Variants in DYNC2H1 observed in about 807,000 individuals in gnomAD.
DYNC2H1 encodes dynein cytoplasmic 2 heavy chain 1.
In DYNC2H1, 410 loss-of-function variants were observed where a neutral mutation model predicts 570.0. The ratio of observed to expected loss-of-function variants is 0.72; its 90% CI spans 0.66 to 0.78. The LOEUF is 0.78. Among genes scored for constraint, DYNC2H1 ranks in the 30% least tolerant of loss-of-function variants. The pLI is 0.00. For missense variants in DYNC2H1, 4,865 were observed against 5,046.4 expected (o/e 0.96, Z 1.09); for synonymous variants, 1,688 against 1,677.6 (o/e 1.01, Z -0.15).
At chr11:103,390,165 A>G (rs1213527746) in intron 83 of DYNC2H1, among the ~76,000 whole-genome samples, 4 of 152,266 alleles carry the variant, frequency 2.6e-5, no homozygotes, top group African/African-American at 9.6e-5. Context: ...GACTTCCTTT[A>G]TGAATCTGGG....
Position 103,369,129 on chromosome 11 carries a change from G to A in DYNC2H1, c.12156+10770G>A, listed in dbSNP as rs535533329. Among the ~76,000 whole-genome samples the A allele has an allele frequency of 5.9e-5, 9 of 152,288 alleles. No homozygotes were observed. In the East Asian group the frequency reaches 1.7e-3, roughly 29 times the overall value. ...ATCCCTCCCCTGTCTCCAAGCAGCAGTGGCATGGCATGGAGAGCGTTTTGG... is the reference window on the plus strand; with the variant it reads ...ATCCCTCCCCTGTCTCCAAGCAGCAATGGCATGGCATGGAGAGCGTTTTGG... On this transcript the variant is annotated intron_variant, in intron 83 of 88. Transcript: ENST00000375735. The surrounding 1 kb of genome is among the most constrained non-coding windows in gnomAD (Gnocchi z 4.0).
intron 75 of DYNC2H1, among the ~76,000 whole-genome samples, chr11:103,293,439 A>T (rs1866693470): frequency 6.6e-6 from 1 of 152,162 alleles, no homozygotes; most frequent in South Asian, 2.1e-4. Context: ...GCTGTCTTGT[A>T]CCTGGATATT....
intron 84 of DYNC2H1, among the ~76,000 whole-genome samples, chr11:103,423,434 A>T (rs979669445): frequency 7.7e-6 from 1 of 130,698 alleles, no homozygotes; most frequent in African/African-American, 2.9e-5. Flanking sequence ...AAAAAAAAAA[A>T]AAAACCCTGC....
chr11:103,311,756 TTAACTC>T, intron 78 of DYNC2H1, 116 bp from the exon 79 acceptor site: 1 of 901,458 alleles, frequency 1.1e-6, no homozygotes, highest in Non-Finnish European at 1.6e-6. Context: ...ACATAATAAT[TTAACTC>T]AAACCCGGTA....
At chr11:103,434,634 C>A (rs1308488389) in intron 84 of DYNC2H1, among the ~76,000 whole-genome samples, 1 of 152,110 alleles carries the variant, frequency 6.6e-6, no homozygotes, top group Non-Finnish European at 1.5e-5. Context: ...TGTCTTGCTG[C>A]AGAACAAATC....
intron 87 of DYNC2H1, among the ~76,000 whole-genome samples, chr11:103,457,209 T>G (rs313868): frequency 6.6e-6 from 1 of 152,116 alleles, no homozygotes; most frequent in Non-Finnish European, 1.5e-5. Flanking sequence ...TTATGTATAG[T>G]ACATAATACT....
chr11:103,139,237 AT>A (rs1859755514), intron 17 of DYNC2H1, among the ~76,000 whole-genome samples: 1 of 151,428 alleles, frequency 6.6e-6, no homozygotes, highest in South Asian at 2.1e-4. Context: ...GATTTTAGTT[AT>A]TTCTTGCCTT....
intron 88 of DYNC2H1, among the ~76,000 whole-genome samples, chr11:103,470,396 A>T (rs1049974695): frequency 6.6e-5 from 10 of 151,946 alleles, no homozygotes; most frequent in Non-Finnish European, 1.3e-4. Flanking sequence ...AGAGATGACT[A>T]AAAGGTAATA....
Position 103,189,200 on chromosome 11 carries a change from A to G in DYNC2H1, c.7293-472A>G, listed in dbSNP as rs1041645429. On this transcript the variant is annotated intron_variant, in intron 44 of 88. Transcript: ENST00000375735. The surrounding 1 kb of genome is among the most constrained non-coding windows in gnomAD (Gnocchi z 4.3). Reference sequence around the variant, plus strand: ...TATACTTTTGTGCTAATTGTACTCCATCAATTAAACTTTTTTTTTTCTAGA... The same window carrying G: ...TATACTTTTGTGCTAATTGTACTCCGTCAATTAAACTTTTTTTTTTCTAGA... 1.3e-5 allele frequency among the ~76,000 whole-genome samples: 2 copies of G among 151,916 alleles called. No individual in the cohort carries two copies. Among genetic ancestry groups the G allele is most frequent in the Non-Finnish European group, 2.9e-5 (2 of 67,978 alleles).
chr11:103,190,063 G>C (rs976002815), intron 45 of DYNC2H1, among the ~76,000 whole-genome samples: 1 of 152,152 alleles, frequency 6.6e-6, no homozygotes, highest in Non-Finnish European at 1.5e-5. Context: ...TTATTCTGCT[G>C]TCAGCTCAAA....
chr11:103,119,996 C>A (rs1858614306), intron 6 of DYNC2H1, among the ~76,000 whole-genome samples: 1 of 152,084 alleles, frequency 6.6e-6, no homozygotes, highest in Non-Finnish European at 1.5e-5. Flanking sequence ...ATGTGTTTCC[C>A]AGCTGTTTGT....
chr11:103,368,037 T>C (rs1022409691), intron 83 of DYNC2H1, among the ~76,000 whole-genome samples: 2 of 152,306 alleles, frequency 1.3e-5, no homozygotes, highest in South Asian at 2.1e-4. Context: ...TTAGGTTAGT[T>C]CTGTATCTTG....
intron 17 of DYNC2H1, among the ~76,000 whole-genome samples, chr11:103,142,469 A>C (rs1320172810): frequency 6.6e-6 from 1 of 152,142 alleles, no homozygotes; most frequent in Non-Finnish European, 1.5e-5. Flanking sequence ...CAGGAGTTTG[A>C]GACCAGCCTC....
chr11:103,136,262 G>C (rs1354411451), intron 17 of DYNC2H1, among the ~76,000 whole-genome samples: 2 of 149,012 alleles, frequency 1.3e-5, no homozygotes, highest in Non-Finnish European at 3.0e-5. Flanking sequence ...AATTTTTAGG[G>C]TACATGTGCA....
intron 84 of DYNC2H1, among the ~76,000 whole-genome samples, chr11:103,419,369 T>C (rs1943402189): frequency 2.0e-5 from 3 of 152,118 alleles, no homozygotes; most frequent in Admixed American, 6.5e-5. Flanking sequence ...AGATACCTCC[T>C]ACAGGCACAT....
chr11:103,276,697 T>C (rs530731198), intron 70 of DYNC2H1, among the ~76,000 whole-genome samples: 1 of 152,206 alleles, frequency 6.6e-6, no homozygotes, highest in South Asian at 2.1e-4. Flanking sequence ...TCCTCCTCCT[T>C]CTACAAAATG....
intron 82 of DYNC2H1, among the ~76,000 whole-genome samples, chr11:103,337,317 C>T (rs1215841043): frequency 6.6e-6 from 1 of 152,028 alleles, no homozygotes; most frequent in Non-Finnish European, 1.5e-5. Flanking sequence ...GCTGTGAGAC[C>T]CCCGATTTCC....
intron 58 of DYNC2H1, among the ~76,000 whole-genome samples, chr11:103,222,567 A>G (rs1863628038): frequency 6.6e-6 from 1 of 152,162 alleles, no homozygotes; most frequent in South Asian, 2.1e-4. Context: ...AATGTTATGT[A>G]CATCTTCTTT....
intron 84 of DYNC2H1, among the ~76,000 whole-genome samples, chr11:103,426,155 A>G (rs940234068): frequency 2.0e-5 from 3 of 152,210 alleles, no homozygotes; most frequent in Non-Finnish European, 2.9e-5. Flanking sequence ...GTCAAAGCCT[A>G]TCCCTTTGTT....
Sources: gnomAD v4.1 joint callset for allele counts (sites outside exome capture counted in the v4.1 genomes callset) on GRCh38, gnomAD v4.1.1 for gene constraint, Gnocchi (gnomAD v3.1) non-coding constraint, MANE v1.5 for transcripts, NCBI Gene and HGNC (gene_info 2026-07-23, HGNC 2026-07-21) for gene names.